The following EPC2 variants were observed in gnomAD, a reference collection of about 807,000 sequenced individuals.
EPC2 encodes enhancer of polycomb 2.
Under a neutral mutation model 92.1 loss-of-function variants are expected in EPC2, and 14 were observed. The observed-to-expected ratio is 0.15, with a 90% confidence interval of 0.10 to 0.24. The LOEUF (loss-of-function observed/expected upper bound fraction) is 0.24. Ranked by LOEUF, EPC2 falls within the 10% of genes least tolerant of loss-of-function variation. The pLI, the probability that EPC2 is intolerant of heterozygous loss-of-function variation, is 1.00. For synonymous variants in EPC2, 340 were observed against 334.7 expected (o/e 1.02, Z -0.17); for missense variants, 755 against 971.5 (o/e 0.78, Z 2.96).
intron 3 of EPC2, among the ~76,000 whole-genome samples, chr2:148,747,344 C>G (rs35519473): frequency 6.6e-6 from 1 of 151,840 alleles, no homozygotes; most frequent in Non-Finnish European, 1.5e-5. Flanking sequence ...CTAAACCCTT[C>G]CTAACTCTTC....
At chr2:148,663,227 T>TTATTAG (rs1221827678) in intron 1 of EPC2, among the ~76,000 whole-genome samples, 1 of 147,226 alleles carries the variant, frequency 6.8e-6, no homozygotes, top group Non-Finnish European at 1.5e-5. Flanking sequence ...ATTATTATTA[T>TTATTAG]TATTATTATT....
At chr2:148,716,787 A>G (rs909851660) in intron 2 of EPC2, among the ~76,000 whole-genome samples, 5 of 151,896 alleles carry the variant, frequency 3.3e-5, no homozygotes, top group Admixed American at 2.0e-4. Flanking sequence ...CTCCTTTTCA[A>G]TTTTTTGAAC....
intron 8 of EPC2, among the ~76,000 whole-genome samples, chr2:148,769,726 A>G (rs567792453): frequency 1.3e-5 from 2 of 152,308 alleles, no homozygotes; most frequent in South Asian, 2.1e-4. Flanking sequence ...TTTTTGACAC[A>G]CCTAGAAGTT....
At chr2:148,774,335 A>T (rs1208959304) in intron 10 of EPC2, among the ~76,000 whole-genome samples, 1 of 152,122 alleles carries the variant, frequency 6.6e-6, no homozygotes, top group East Asian at 1.9e-4. Flanking sequence ...TGTGTCCAAA[A>T]TATATTCTAG....
At chr2:148,728,874 T>C (rs1427462392) in intron 2 of EPC2, among the ~76,000 whole-genome samples, 1 of 150,228 alleles carries the variant, frequency 6.7e-6, no homozygotes, top group Non-Finnish European at 1.5e-5. Flanking sequence ...CTACTAAAAA[T>C]ACAAAAAATT....
At position 148,754,015 on chromosome 2, in the gene EPC2, A is replaced by G; in HGVS notation, c.548A>G (p.Lys183Arg). The G allele has an allele frequency of 6.2e-7, 1 of 1,611,878 alleles. No individual in the cohort carries two copies. The highest frequency in any genetic ancestry group is 8.5e-7 in the Non-Finnish European group (1 of 1,178,988). ...TATGACTACTGGGTGAGAAAACGTA[A>G]AAACTGCAGGGGGCCATCCCTCATT... ...AVYDYWVRKR[K>R]NCRGPSLIPQ... is the part of the protein sequence containing the mutation. Residue 183 changes from lysine (K) to arginine (R), a missense_variant, in exon 4 of 14, where the codon AAA becomes AGA. Lys to Arg is a conservative substitution (Grantham distance 26). Transcript: ENST00000258484.
In EPC2 at chr2:148,690,223, T is replaced by C; in HGVS notation, c.163T>C (p.Leu55=). 6.3e-7 allele frequency: 1 copy of C among 1,599,118 alleles called. No homozygotes were observed. The highest frequency in any genetic ancestry group is 8.5e-7 in the Non-Finnish European group (1 of 1,175,518). ...MEKEEESEHH[L]QRAISAQQVF... is the part of the protein sequence containing the mutation. ...ACTTTACATTTTCCAGGAACATCAT[T>C]TACAGCGAGCAATTTCAGCACAGCA... The change falls in exon 2 of 14, where the codon TTA becomes CTA. Residue 55 remains leucine, a synonymous_variant. Coordinates refer to ENST00000258484, the MANE Select transcript of EPC2 (RefSeq NM_015630.4).
At chr2:148,701,469 G>A (rs1459488846) in intron 2 of EPC2, among the ~76,000 whole-genome samples, 1 of 152,154 alleles carries the variant, frequency 6.6e-6, no homozygotes, top group Admixed American at 6.6e-5. Flanking sequence ...TCATGAAAGA[G>A]GGTTAGATTT....
At chr2:148,771,508 G>C in intron 10 of EPC2, 121 bp downstream of exon 10, 1 of 930,240 alleles carries the variant, frequency 1.1e-6, no homozygotes, top group East Asian at 2.5e-5. Flanking sequence ...AAATTGTTCT[G>C]TTCTGTCTCA....
chr2:148,762,541 C>G lies in EPC2; in HGVS notation c.816-129C>G, dbSNP rs375215809. The G allele has an allele frequency of 1.9e-4, 128 of 672,996 alleles. 1 individual carries two copies. In the East Asian group the frequency reaches 2.7e-3, roughly 14 times the overall value. The allele number at this position is 672,996 out of a possible 1,614,324, so 41.7% of individuals were successfully genotyped here. On this transcript the variant is annotated intron_variant, in intron 5 of 13. Coordinates refer to ENST00000258484, the MANE Select transcript of EPC2 (RefSeq NM_015630.4). ...GTTTCTTTATTCCTGCAAATTTTAT[C>G]TTTTAAAAGTAATTTGATTGTTAGC...
At position 148,645,080 on chromosome 2, in the gene EPC2, C is replaced by G; in HGVS notation, c.63C>G (p.Arg21=). 1 of 1,589,556 alleles carries G rather than the reference C, an allele frequency of 6.3e-7. No individual in the cohort carries two copies. Among genetic ancestry groups the G allele is most frequent in the Non-Finnish European group, 8.6e-7 (1 of 1,166,914 alleles). Residue 21 remains arginine (R), a synonymous_variant, in exon 1 of 14, where the codon CGC becomes CGG. Coordinates refer to ENST00000258484, the MANE Select transcript of EPC2 (RefSeq NM_015630.4). The stretch of plus-strand genomic sequence containing the variant: ...CCGCCAAGCCGCTGCCTATCTACCG[C>G]GGCAAGGACATGCCTGATCTCAACG... ...LDAAKPLPIY[R]GKDMPDLNDC...
chr2:148,649,471 C>T lies in EPC2; in HGVS notation c.153+4301C>T, dbSNP rs145377636. Among the ~76,000 whole-genome samples, 53 of 152,258 alleles carry T rather than the reference C, an allele frequency of 3.5e-4. No individual in the cohort carries two copies. In the East Asian group the frequency reaches 4.4e-3, roughly 13 times the overall value. Reference sequence around the variant, plus strand: ...TTTTTATGTCTAGCTTCCTTTGTTCCGTACGATGCATTTAAGATTCATCCT... The same window carrying T: ...TTTTTATGTCTAGCTTCCTTTGTTCTGTACGATGCATTTAAGATTCATCCT... On this transcript the variant is annotated intron_variant, in intron 1 of 13. Transcript: ENST00000258484.
chr2:148,760,530 T>C (rs1683283611), intron 4 of EPC2, among the ~76,000 whole-genome samples: 1 of 152,168 alleles, frequency 6.6e-6, no homozygotes, highest in Admixed American at 6.5e-5. Context: ...GGCACTTTAA[T>C]AGTTGCTGTC....
At chr2:148,756,256 A>C (rs1036672884) in intron 4 of EPC2, among the ~76,000 whole-genome samples, 16 of 151,882 alleles carry the variant, frequency 1.1e-4, no homozygotes, top group Non-Finnish European at 2.1e-4. Context: ...TTCTTTTCTG[A>C]TGCTCTTTAC....
intron 1 of EPC2, among the ~76,000 whole-genome samples, chr2:148,669,317 T>A (rs1308463466): frequency 6.6e-6 from 1 of 152,224 alleles, no homozygotes; most frequent in South Asian, 2.1e-4. Context: ...AATATTATAC[T>A]GTTGGGTGCT....
chr2:148,688,880 G>T (rs375345973), intron 1 of EPC2, among the ~76,000 whole-genome samples: 64 of 152,240 alleles, frequency 4.2e-4, no homozygotes, highest in Admixed American at 1.9e-3. Context: ...GGGGAGAGGG[G>T]CAGTAAACAA....
At chr2:148,724,953 C>G (rs1682464412) in intron 2 of EPC2, among the ~76,000 whole-genome samples, 1 of 152,054 alleles carries the variant, frequency 6.6e-6, no homozygotes, top group African/African-American at 2.4e-5. Flanking sequence ...GCTGCAAATT[C>G]ACCTTTATTA....
At chr2:148,763,734 G>A (rs561437063) in intron 6 of EPC2, among the ~76,000 whole-genome samples, 11 of 152,198 alleles carry the variant, frequency 7.2e-5, no homozygotes, top group African/African-American at 2.2e-4. Context: ...TCTAAATCTC[G>A]CTTGTCTCTA....
intron 6 of EPC2, among the ~76,000 whole-genome samples, chr2:148,763,627 G>A (rs562542221): frequency 3.3e-5 from 5 of 152,284 alleles, no homozygotes; most frequent in African/African-American, 9.6e-5. Flanking sequence ...AAGAAAGAGT[G>A]TGGAGCAGGA....
Sources: gnomAD v4.1 joint callset for allele counts (sites outside exome capture counted in the v4.1 genomes callset) on GRCh38, gnomAD v4.1.1 for gene constraint, MANE v1.5 for transcripts, NCBI Gene and HGNC (gene_info 2026-07-23, HGNC 2026-07-21) for gene names.